The following WFDC1 variants were observed in gnomAD, a reference collection of about 807,000 sequenced individuals.
WFDC1 encodes the protein WAP four-disulfide core domain 1.
In WFDC1, 39 loss-of-function variants were observed where a neutral mutation model predicts 32.9. The ratio of observed to expected loss-of-function variants is 1.19; its 90% CI spans 0.92 to 1.55. The LOEUF is 1.55. WFDC1 is among the 40% of genes most tolerant of loss of function. The pLI is 0.00. For synonymous variants in WFDC1, 184 were observed against 137.4 expected, an observed-to-expected ratio of 1.34 and a Z score of -2.37; for missense variants, 386 against 309.5, an observed-to-expected ratio of 1.25 and a Z score of -1.85.
intron 2 of WFDC1, chr16:84,316,701 G>T (rs1417059468): frequency 6.6e-6 from 1 of 152,230 alleles, no homozygotes; most frequent in Non-Finnish European, 1.5e-5. Flanking sequence ...GACTTGGCCG[G>T]GTGTGGTGGC....
At chr16:84,322,313 A>G (rs1908357017) in intron 4 of WFDC1, among the ~76,000 whole-genome samples, 1 of 152,160 alleles carries the variant, frequency 6.6e-6, no homozygotes, top group Middle Eastern at 3.2e-3. Context: ...ACTGGTAATT[A>G]TATATAGGTT....
intron 2 of WFDC1, among the ~76,000 whole-genome samples, chr16:84,315,508 A>C (rs1169298782): frequency 7.2e-5 from 11 of 152,336 alleles, no homozygotes; most frequent in Non-Finnish European, 1.6e-4. Context: ...AGCCAGCAGG[A>C]AGAGCAATCA....
At chr16:84,309,068 C>T (rs1305485256) in intron 1 of WFDC1, among the ~76,000 whole-genome samples, 1 of 152,178 alleles carries the variant, frequency 6.6e-6, no homozygotes, top group African/African-American at 2.4e-5. Context: ...GGATTTGAAC[C>T]AAGGCCGTTA....
At chr16:84,300,699 G>T (rs891574132) in intron 1 of WFDC1, among the ~76,000 whole-genome samples, 1 of 152,234 alleles carries the variant, frequency 6.6e-6, no homozygotes, top group African/African-American at 2.4e-5. Context: ...GCCAGGCATG[G>T]TGGCCCACGC....
In WFDC1 at chr16:84,313,110, C is replaced by T. The variant is rs1907742020; in HGVS notation, c.294C>T (p.Asn98=). The T allele has an allele frequency of 2.1e-6, 3 of 1,441,722 alleles. No homozygotes were observed. The highest frequency in any genetic ancestry group is 2.8e-5 in the South Asian group (2 of 70,820). 89.3% of individuals were successfully genotyped at this position (1,441,722 alleles called of 1,614,324 possible). ...CGCGGCACCGGCGCTGCTGCTACAA[C>T]GGATGCGCCTACGCCTGCCTAGAAG... is the stretch of plus-strand genomic sequence containing the variant. The part of the protein sequence containing the change: ...ECPRHRRCCY[N]GCAYACLEAV... Residue 98 remains asparagine, a synonymous_variant, in exon 2 of 7, where the codon AAC becomes AAT. Coordinates refer to ENST00000219454, the MANE Select transcript of WFDC1 (RefSeq NM_021197.4).
chr16:84,304,543 C>G (rs888472220), intron 1 of WFDC1, among the ~76,000 whole-genome samples: 2 of 152,078 alleles, frequency 1.3e-5, no homozygotes, highest in Non-Finnish European at 2.9e-5. Context: ...TCATTTTTAT[C>G]CAGGTAAGGC....
Position 84,323,386 on chromosome 16 carries a change from T to C in WFDC1, c.563-1033T>C, listed in dbSNP as rs181020908. ...AGAAGTGAGCTAAATTTGAGAGAGA[T>C]TGCCACATTCAAGCATCCACATGTC... is the stretch of plus-strand genomic sequence containing the variant. On this transcript the variant is annotated intron_variant, in intron 4 of 6. Transcript: ENST00000219454. 2.8e-3 allele frequency among the ~76,000 whole-genome samples: 429 copies of C among 152,252 alleles called. 9 individuals are homozygous for C. Among genetic ancestry groups the C allele is most frequent in the Non-Finnish European group, 4.9e-4 (33 of 68,022 alleles).
At chr16:84,296,609 C>T (rs1906612412) in intron 1 of WFDC1, among the ~76,000 whole-genome samples, 1 of 152,116 alleles carries the variant, frequency 6.6e-6, no homozygotes. Flanking sequence ...ATCTGGGCCT[C>T]CAGGGCTCAT....
chr16:84,311,034 C>G (rs1907585121), intron 1 of WFDC1, among the ~76,000 whole-genome samples: 1 of 152,136 alleles, frequency 6.6e-6, no homozygotes, highest in African/African-American at 2.4e-5. Flanking sequence ...TATCCTGTAT[C>G]TAACTCTGTG....
Position 84,319,287 on chromosome 16 carries a change from G to C in WFDC1, c.422-144G>C, listed in dbSNP as rs1193266270. The C allele has an allele frequency of 2.6e-6, 3 of 1,142,188 alleles. No individual in the cohort carries two copies. The African/African-American group carries it at 4.7e-5, about 18-fold the overall frequency. The allele number at this position is 1,142,188 out of a possible 1,614,324, so 70.8% of individuals were successfully genotyped here. A position where few individuals can be genotyped will look rare whatever the true frequency, so the allele number is the denominator to read the frequency against. On this transcript the variant is annotated intron_variant, in intron 3 of 6. Transcript: ENST00000219454. Reference sequence around the variant, plus strand: ...TGAGTGAGACCCAGGGCCTAGCCTGGAACCTGGGGTACAGAGGCGAGGCCG... The same window carrying C: ...TGAGTGAGACCCAGGGCCTAGCCTGCAACCTGGGGTACAGAGGCGAGGCCG...
intron 1 of WFDC1, among the ~76,000 whole-genome samples, chr16:84,308,384 C>G (rs1907396243): frequency 6.6e-6 from 1 of 152,230 alleles, no homozygotes; most frequent in Non-Finnish European, 1.5e-5. Context: ...AAGGACTGCG[C>G]TCGGTCCCAG....
chr16:84,306,555 C>T (rs1037953513), intron 1 of WFDC1, among the ~76,000 whole-genome samples: 9 of 152,358 alleles, frequency 5.9e-5, no homozygotes, highest in Admixed American at 5.9e-4. Flanking sequence ...CCCTAATTCA[C>T]ATCCGCATTA....
intron 2 of WFDC1, among the ~76,000 whole-genome samples, chr16:84,314,634 T>C (rs748434635): frequency 8.5e-5 from 13 of 152,222 alleles, no homozygotes; most frequent in South Asian, 8.3e-4. Flanking sequence ...TACAGTCTTA[T>C]AATGCTCATC....
At chr16:84,324,620 G>T (rs563288644) in intron 5 of WFDC1, among the ~76,000 whole-genome samples, 160 bp downstream of exon 5, 2 of 152,306 alleles carry the variant, frequency 1.3e-5, no homozygotes, top group East Asian at 1.9e-4. Context: ...TCTGATGGTG[G>T]GCAGGGAGTT....
rs138921876 is a variant in WFDC1, at chr16:84,324,425, G to A, written c.569G>A (p.Arg190Gln). 1.5e-3 allele frequency: 2,501 copies of A among 1,613,700 alleles called. 6 individuals carry two copies. Among genetic ancestry groups the A allele is most frequent in the Non-Finnish European group, 1.9e-3 (2,225 of 1,179,910 alleles). Residue 190 changes from arginine (R) to glutamine (Q), a missense_variant, in exon 5 of 7, where the codon CGA becomes CAA. Physicochemically the swap from Arg to Gln is conservative, Grantham distance 43. Coordinates refer to ENST00000219454, the MANE Select transcript of WFDC1 (RefSeq NM_021197.4). ...CVKQRRQADG[R>Q]ILRHKLYKEY... ...CCTCTCACTTGTTTTCCAGATGGGC[G>A]AATCCTACGACACAAACTTTACAAA... is the stretch of plus-strand genomic sequence containing the variant.
intron 2 of WFDC1, 73 bp from the exon 3 acceptor site, chr16:84,318,199 G>T: frequency 6.9e-7 from 1 of 1,442,062 alleles, no homozygotes; most frequent in South Asian, 1.2e-5. Flanking sequence ...AAGTTGGGGT[G>T]CCCCCAGCCC....
intron 1 of WFDC1, among the ~76,000 whole-genome samples, chr16:84,308,906 C>G (rs1177773325): frequency 6.6e-6 from 1 of 152,138 alleles, no homozygotes; most frequent in African/African-American, 2.4e-5. Flanking sequence ...GGTGTAGACA[C>G]CAGCCTGGGC....
At chr16:84,321,388 G>A (rs1908295817) in intron 4 of WFDC1, among the ~76,000 whole-genome samples, 2 of 152,214 alleles carry the variant, frequency 1.3e-5, no homozygotes, top group Non-Finnish European at 2.9e-5. Context: ...AAAACCGCAA[G>A]GGCCTGCCAG....
At chr16:84,298,342 G>T (rs1030430811) in intron 1 of WFDC1, among the ~76,000 whole-genome samples, 2 of 152,038 alleles carry the variant, frequency 1.3e-5, no homozygotes, top group African/African-American at 4.8e-5. Context: ...TGATCCGCCC[G>T]CCTCGGCCTC....
Sources: allele counts gnomAD v4.1 joint callset (sites outside exome capture counted in the v4.1 genomes callset), GRCh38; gene constraint gnomAD v4.1.1; transcripts MANE v1.5; gene names NCBI Gene and HGNC (gene_info 2026-07-23, HGNC 2026-07-21).